UNC13B: variants seen among roughly 807,000 people sequenced by gnomAD.
UNC13B encodes unc-13 homolog B, also known as protein unc-13 homolog B.
A neutral mutation model predicts 211.0 loss-of-function variants in UNC13B; 144 were observed. The observed-to-expected ratio is 0.68, with a 90% confidence interval of 0.60 to 0.78. UNC13B has a LOEUF of 0.78. Ranked by LOEUF, UNC13B falls within the 30% of genes least tolerant of loss-of-function variation. UNC13B has a pLI of 0.00. For missense variants in UNC13B, 1,777 were observed against 2,002.0 expected (o/e 0.89, Z 2.14); for synonymous variants, 709 against 725.8 (o/e 0.98, Z 0.37).
intron 1 of UNC13B, among the ~76,000 whole-genome samples, chr9:35,187,888 T>G (rs1238126728): frequency 1.3e-5 from 2 of 152,226 alleles, no homozygotes; most frequent in African/African-American, 4.8e-5. Context: ...GGGCTTTTAT[T>G]GGCTCTGCAA....
chr9:35,218,278 T>G (rs548669449), intron 1 of UNC13B, among the ~76,000 whole-genome samples: 5 of 152,234 alleles, frequency 3.3e-5, no homozygotes, highest in African/African-American at 1.2e-4. Context: ...CAACATAGGA[T>G]TGTAGTTGAC....
At chr9:35,198,551 A>C (rs1029846857) in intron 1 of UNC13B, among the ~76,000 whole-genome samples, 6 of 152,192 alleles carry the variant, frequency 3.9e-5, no homozygotes, top group African/African-American at 1.4e-4. Flanking sequence ...GGTATCAAGG[A>C]GTGAAGCATT....
At chr9:35,357,801 A>C (rs1311786866) in intron 11 of UNC13B, among the ~76,000 whole-genome samples, 1 of 152,132 alleles carries the variant, frequency 6.6e-6, no homozygotes, top group South Asian at 2.1e-4. Flanking sequence ...TTTTTTCTGA[A>C]TATTATGTGG....
intron 1 of UNC13B, among the ~76,000 whole-genome samples, chr9:35,177,944 G>A (rs557714073): frequency 5.4e-4 from 83 of 152,320 alleles, no homozygotes; most frequent in African/African-American, 1.8e-3. Flanking sequence ...GGGATACGAA[G>A]CATAGAAAGA....
chr9:35,315,418 G>A (rs749185517), intron 11 of UNC13B, among the ~76,000 whole-genome samples: 5 of 152,140 alleles, frequency 3.3e-5, no homozygotes, highest in Non-Finnish European at 7.4e-5. Flanking sequence ...TGCAAAAACA[G>A]TAAAGAACTA....
Position 35,378,315 on chromosome 9 carries a change from C to T in UNC13B, c.10084C>T (p.Gln3362Ter), listed in dbSNP as rs769025672. 1 of 1,614,128 alleles carries T rather than the reference C, an allele frequency of 6.2e-7. No homozygotes were observed. The highest frequency in any genetic ancestry group is 1.7e-5 in the Admixed American group (1 of 60,018). The change falls in exon 17 of 40, where the codon CAA becomes TAA. Residue 3362 changes from glutamine to a stop codon, truncating the protein, a stop_gained. Transcript: ENST00000635942. LOFTEE classifies it high-confidence loss of function. ...TITVVCAQGL[Q>*]AKDKTGSSDP... ...TGCAGTGGTGTGTGCCCAGGGCCTA[C>T]AAGCCAAGGACAAAACAGGATCCAG...
chr9:35,361,798 A>G (rs2132125127), intron 11 of UNC13B: 1 of 152,350 alleles, frequency 6.6e-6, no homozygotes, highest in Middle Eastern at 3.4e-3. Flanking sequence ...AAGCAGACAG[A>G]AATTTCACAG....
rs1829927896 is a variant in UNC13B at position 35,306,457 on chromosome 9, C to A, written c.7053C>A (p.Asn2351Lys). The change falls in exon 9 of 40, where the codon AAC becomes AAA. Residue 2351 changes from asparagine to lysine, a missense_variant. Asn to Lys is a moderately conservative substitution (Grantham distance 94). Transcript: ENST00000635942. The part of the protein sequence containing the change: ...QAETFLTGPE[N>K]LGIAPHEEEA... ...AAACATTCCTCACTGGCCCAGAGAA[C>A]CTTGGGATAGCTCCCCATGAAGAAG... The A allele has an allele frequency of 2.5e-6, 1 of 398,890 alleles. No individual in the cohort carries two copies. The highest frequency in any genetic ancestry group is 1.3e-4 in the South Asian group (1 of 7,864). The allele number at this position is 398,890 out of a possible 1,614,324, so 24.7% of individuals were successfully genotyped here. A position where few individuals can be genotyped will look rare whatever the true frequency, so the allele number is the denominator to read the frequency against.
At position 35,404,015 on chromosome 9, in the gene UNC13B, C is replaced by G. The variant is rs777112045; in HGVS notation, c.13005C>G (p.Ser4335=). 45 of 1,613,284 alleles carry G rather than the reference C, an allele frequency of 2.8e-5. No homozygotes were observed. The highest frequency in any genetic ancestry group is 3.6e-5 in the Non-Finnish European group (42 of 1,179,882). ...EFVKLKSESR[S]TEEGS ...TGAAACTCAAATCAGAGTCTCGTTC[C>G]ACGGAGGAGGGGAGCTGAACACCTT... The change falls in exon 40 of 40, where the codon TCC becomes TCG. Residue 4335 remains serine (S), a synonymous_variant. Transcript: ENST00000635942.
chr9:35,184,803 G>T (rs1199053895), intron 1 of UNC13B, among the ~76,000 whole-genome samples: 5 of 496 alleles, frequency 0.01, no homozygotes, highest in African/African-American at 0.035. Flanking sequence ...GAAAGAAGCG[G>T]GGGGGGGGGG....
At chr9:35,227,799 A>G in intron 1 of UNC13B, 1 of 422,708 alleles carries the variant, frequency 2.4e-6, no homozygotes, top group East Asian at 3.7e-5. Context: ...TGGAACAGAG[A>G]TTTTTGCATT....
intron 7 of UNC13B, among the ~76,000 whole-genome samples, chr9:35,267,302 G>A (rs1827631370): frequency 6.6e-6 from 1 of 152,126 alleles, no homozygotes; most frequent in Non-Finnish European, 1.5e-5. Flanking sequence ...GAACCACTTG[G>A]GCAGGAATAA....
In UNC13B at chr9:35,389,858, C is replaced by T. The variant is rs755575300; in HGVS notation, c.11107C>T (p.Pro3703Ser). 7 of 1,614,108 alleles carry T rather than the reference C, an allele frequency of 4.3e-6. No individual in the cohort carries two copies. Among genetic ancestry groups the T allele is most frequent in the Non-Finnish European group, 5.9e-6 (7 of 1,179,988 alleles). Residue 3703 changes from proline to serine, a missense_variant, in exon 25 of 40, where the codon CCT becomes TCT. Physicochemically the swap from Pro to Ser is moderately conservative, Grantham distance 74. Coordinates refer to ENST00000635942, the MANE Select transcript of UNC13B (RefSeq NM_001371189.2). ...CCTCTGGATCAAGAAGCAGGAGCTA[C>T]CTCCAGAGGAACAAGGGCCCAGCAT... ...SRQYQLKQEL[P>S]PEEQGPSIRN...
At chr9:35,185,597 G>A (rs187987016) in intron 1 of UNC13B, among the ~76,000 whole-genome samples, 190 of 152,238 alleles carry the variant, frequency 1.2e-3, no homozygotes, top group African/African-American at 4.4e-3. Context: ...CTAGTTTGCA[G>A]CTGTTAAAAG....
At chr9:35,365,782 T>C (rs1036517151) in intron 11 of UNC13B, among the ~76,000 whole-genome samples, 2 of 152,158 alleles carry the variant, frequency 1.3e-5, no homozygotes, top group African/African-American at 2.4e-5. Context: ...ATAGAAAGGA[T>C]AGGAGGCAGA....
chr9:35,281,199 G>A (rs546097316), intron 7 of UNC13B, among the ~76,000 whole-genome samples: 39 of 148,932 alleles, frequency 2.6e-4, no homozygotes, highest in Admixed American at 1.5e-3. Flanking sequence ...GCAGTGAGCC[G>A]AGATCACGCC....
chr9:35,377,449 T>A lies in UNC13B; in HGVS notation c.9836-19T>A. The A allele has an allele frequency of 6.2e-7, 1 of 1,613,464 alleles. No homozygotes were observed. The highest frequency in any genetic ancestry group is 8.5e-7 in the Non-Finnish European group (1 of 1,179,438). On this transcript the variant is annotated intron_variant, in intron 15 of 39. Transcript: ENST00000635942. ...CCTTGGTCTGGTAGGTGACCTGTTGTGTTCCTGGCCACCTTCAGGGGCTGC... is the reference window on the plus strand; with the variant it reads ...CCTTGGTCTGGTAGGTGACCTGTTGAGTTCCTGGCCACCTTCAGGGGCTGC...
In UNC13B at chr9:35,176,699, A is replaced by T. The variant is rs1821655681; in HGVS notation, c.22+14394A>T. The stretch of plus-strand genomic sequence containing the variant: ...AGGAGTTAGACATTAAACAAGGAAG[A>T]ATCATACAAATTAATATAAAATTAC... On this transcript the variant is annotated intron_variant, in intron 1 of 39. Transcript: ENST00000635942. Among the ~76,000 whole-genome samples, 3 of 152,242 alleles carry T rather than the reference A, an allele frequency of 2.0e-5. No individual in the cohort carries two copies. In the South Asian group the frequency reaches 6.2e-4, roughly 31 times the overall value.
At chr9:35,213,851 C>A (rs766739597) in intron 1 of UNC13B, among the ~76,000 whole-genome samples, 1 of 152,126 alleles carries the variant, frequency 6.6e-6, no homozygotes, top group Non-Finnish European at 1.5e-5. Context: ...AGCCAGTAAG[C>A]TACCCCAAAA....
Sources: allele counts gnomAD v4.1 joint callset (sites outside exome capture counted in the v4.1 genomes callset), GRCh38; gene constraint gnomAD v4.1.1; transcripts MANE v1.5; gene names NCBI Gene and HGNC (gene_info 2026-07-23, HGNC 2026-07-21).